GNAQ: variants seen among roughly 807,000 people sequenced by gnomAD.
The protein encoded by GNAQ is G protein subunit alpha q.
A neutral mutation model predicts 43.9 loss-of-function variants in GNAQ; 8 were observed. The observed-to-expected ratio is 0.18, with a 90% CI of 0.11 to 0.33. The LOEUF is 0.33. Among genes scored for constraint, GNAQ ranks in the 10% least tolerant of loss-of-function variants. The probability of loss-of-function intolerance (pLI) is 1.00; values close to 1 mark genes in which losing one functional copy is unlikely to be tolerated. For missense variants in GNAQ, 158 were observed against 450.8 expected (o/e 0.35, Z 5.88); for synonymous variants, 155 against 170.7 (o/e 0.91, Z 0.71).
In GNAQ at chr9:77,861,707, T is replaced by G. The variant is rs989886884; in HGVS notation, c.322-45937A>C. 2.0e-5 allele frequency among the ~76,000 whole-genome samples: 3 copies of G among 152,236 alleles called. No homozygotes were observed. The Middle Eastern group carries it at 0.01, about 518-fold the overall frequency. On this transcript the variant is annotated intron_variant, in intron 2 of 6. Coordinates refer to ENST00000286548, the MANE Select transcript of GNAQ (RefSeq NM_002072.5). Reference sequence around the variant, plus strand: ...ATGTCTCACATCCCGGTCACACTGATGCGTGATGCATGAGGTCAGGCATGG... The same window carrying G: ...ATGTCTCACATCCCGGTCACACTGAGGCGTGATGCATGAGGTCAGGCATGG...
At chr9:77,803,296 T>C (rs1460675337) in intron 3 of GNAQ, among the ~76,000 whole-genome samples, 2 of 152,222 alleles carry the variant, frequency 1.3e-5, no homozygotes, top group African/African-American at 4.8e-5. Flanking sequence ...TAACTTCATT[T>C]AGTAGATTTG....
chr9:77,858,200 G>C (rs1402112814), intron 2 of GNAQ, among the ~76,000 whole-genome samples: 1 of 152,136 alleles, frequency 6.6e-6, no homozygotes, highest in Non-Finnish European at 1.5e-5. Flanking sequence ...TCATGAGATT[G>C]AGTCTCCAGA....
At chr9:77,897,840 A>G (rs1300107444) in intron 2 of GNAQ, among the ~76,000 whole-genome samples, 3 of 152,024 alleles carry the variant, frequency 2.0e-5, no homozygotes, top group South Asian at 4.1e-4. Context: ...GCTCCCCCAC[A>G]TCAGTCATTC....
chr9:77,970,893 A>C (rs1251309727), intron 1 of GNAQ, among the ~76,000 whole-genome samples: 2 of 152,058 alleles, frequency 1.3e-5, no homozygotes, highest in Admixed American at 1.3e-4. Context: ...CCCCTAATAA[A>C]GAAGAAAAGA....
At chr9:77,853,111 A>G (rs1335537126) in intron 2 of GNAQ, among the ~76,000 whole-genome samples, 46 of 152,228 alleles carry the variant, frequency 3.0e-4, no homozygotes, top group Admixed American at 3.0e-3. Context: ...CAACCAAACT[A>G]TGATAACGGG....
intron 1 of GNAQ, among the ~76,000 whole-genome samples, chr9:78,001,133 A>T (rs1823638722): frequency 6.6e-6 from 1 of 152,204 alleles, no homozygotes; most frequent in Non-Finnish European, 1.5e-5. Context: ...ACGGTGGCTC[A>T]TGCCTGTAAA....
At chr9:77,979,758 C>T (rs748012922) in intron 1 of GNAQ, among the ~76,000 whole-genome samples, 6 of 152,150 alleles carry the variant, frequency 3.9e-5, no homozygotes, top group Non-Finnish European at 5.9e-5. Context: ...ACAATTAAGA[C>T]GCTAGGTGAA....
chr9:77,940,365 A>G (rs1829296516), intron 1 of GNAQ, among the ~76,000 whole-genome samples: 1 of 152,106 alleles, frequency 6.6e-6, no homozygotes, highest in Non-Finnish European at 1.5e-5. Flanking sequence ...TGGACTGCCT[A>G]AGCTCAGGAG....
intron 5 of GNAQ, among the ~76,000 whole-genome samples, chr9:77,750,934 C>G (rs1367207386): frequency 6.6e-6 from 1 of 152,134 alleles, no homozygotes; most frequent in African/African-American, 2.4e-5. Flanking sequence ...ATTTATCTAA[C>G]CTGTGAAGAT....
chr9:77,825,208 T>G (rs980217467), intron 2 of GNAQ, among the ~76,000 whole-genome samples: 3 of 152,160 alleles, frequency 2.0e-5, no homozygotes, highest in Non-Finnish European at 4.4e-5. Flanking sequence ...TTTTCAAGTT[T>G]CTAAAAAAAC....
intron 5 of GNAQ, among the ~76,000 whole-genome samples, chr9:77,781,669 A>C (rs1826395472): frequency 6.6e-6 from 1 of 152,102 alleles, no homozygotes; most frequent in Admixed American, 6.5e-5. Flanking sequence ...ACCACAGCCA[A>C]GTGGGATTTA....
chr9:77,746,165 G>A (rs1295056293), intron 5 of GNAQ, among the ~76,000 whole-genome samples: 1 of 152,096 alleles, frequency 6.6e-6, no homozygotes, highest in Admixed American at 6.6e-5. Flanking sequence ...GGCAGAATAG[G>A]GATATTTTTA....
chr9:77,957,627 T>C (rs940892818), intron 1 of GNAQ, among the ~76,000 whole-genome samples: 2 of 152,184 alleles, frequency 1.3e-5, no homozygotes, highest in South Asian at 2.1e-4. Context: ...TCATGAGTAA[T>C]TTGAGTGAAA....
At chr9:77,977,872 T>A (rs140755558) in intron 1 of GNAQ, among the ~76,000 whole-genome samples, 102 of 152,308 alleles carry the variant, frequency 6.7e-4, no homozygotes, top group Non-Finnish European at 1.2e-3. Flanking sequence ...ATCTGTCACC[T>A]TGCCCCAACT....
chr9:77,816,682 G>A (rs1827022883), intron 2 of GNAQ, among the ~76,000 whole-genome samples: 1 of 152,060 alleles, frequency 6.6e-6, no homozygotes, highest in Non-Finnish European at 1.5e-5. Context: ...AATTGTGTTG[G>A]ACACTGGAGG....
At chr9:77,735,514 T>G (rs755959496) in intron 5 of GNAQ, among the ~76,000 whole-genome samples, 1 of 152,192 alleles carries the variant, frequency 6.6e-6, no homozygotes, top group Non-Finnish European at 1.5e-5. Flanking sequence ...GAAAAAAAAT[T>G]TGCAAGCCTA....
chr9:77,850,252 C>T (rs895362002), intron 2 of GNAQ, among the ~76,000 whole-genome samples: 1 of 152,208 alleles, frequency 6.6e-6, no homozygotes, highest in Non-Finnish European at 1.5e-5. Context: ...AATGCCCTCA[C>T]TCACCAAGTC....
chr9:77,752,457 G>A (rs1268873839), intron 5 of GNAQ, among the ~76,000 whole-genome samples: 1 of 152,164 alleles, frequency 6.6e-6, no homozygotes, highest in Non-Finnish European at 1.5e-5. Flanking sequence ...TTCCCCTCAA[G>A]GACTCAGAAA....
At chr9:77,783,262 T>C (rs2118409246) in intron 5 of GNAQ, among the ~76,000 whole-genome samples, 1 of 152,352 alleles carries the variant, frequency 6.6e-6, no homozygotes, top group Admixed American at 6.5e-5. Flanking sequence ...AAAATCTCTG[T>C]ACTTTCTGTT....
Sources: allele counts gnomAD v4.1 joint callset (sites outside exome capture counted in the v4.1 genomes callset), GRCh38; gene constraint gnomAD v4.1.1; transcripts MANE v1.5; gene names NCBI Gene and HGNC (gene_info 2026-07-23, HGNC 2026-07-21).